ADGRL2: variants seen among roughly 807,000 people sequenced by gnomAD.
ADGRL2 encodes calcium-independent alpha-latrotoxin receptor 2.
Under a neutral mutation model 157.4 loss-of-function variants are expected in ADGRL2, and 44 were observed. That is an observed-to-expected ratio of 0.28 (90% confidence interval 0.22 to 0.36). ADGRL2 has a LOEUF of 0.36. Among genes scored for constraint, ADGRL2 ranks in the 10% least tolerant of loss-of-function variants. The pLI is 1.00. For missense variants in ADGRL2, 1,510 were observed against 1,768.9 expected (o/e 0.85, Z 2.63); for synonymous variants, 585 against 624.7 (o/e 0.94, Z 0.95).
chr1:81,372,269 A>C (rs2076173227), intron 1 of ADGRL2, among the ~76,000 whole-genome samples: 1 of 152,244 alleles, frequency 6.6e-6, no homozygotes, highest in Admixed American at 6.5e-5. Context: ...AAAAAAGTGA[A>C]CAAAAGTCTT....
At chr1:81,390,666 A>T (rs2101118845) in intron 1 of ADGRL2, among the ~76,000 whole-genome samples, 1 of 152,424 alleles carries the variant, frequency 6.6e-6, no homozygotes, top group Admixed American at 6.5e-5. Flanking sequence ...ACAGAAAGGG[A>T]ATTATACTGT....
chr1:81,396,887 T>C (rs1001988089), intron 1 of ADGRL2, among the ~76,000 whole-genome samples: 4 of 152,218 alleles, frequency 2.6e-5, no homozygotes, highest in African/African-American at 4.8e-5. Flanking sequence ...TAGTATTTTG[T>C]TGAGGATTTT....
chr1:81,675,521 T>A (rs371929944), intron 3 of ADGRL2, among the ~76,000 whole-genome samples: 5 of 152,322 alleles, frequency 3.3e-5, no homozygotes, highest in African/African-American at 9.6e-5. Flanking sequence ...TGGGTTTTTG[T>A]TATTGTTTTT....
At chr1:81,406,739 G>A (rs12087730) in intron 1 of ADGRL2, among the ~76,000 whole-genome samples, 73,032 of 151,938 alleles carry the variant, frequency 0.48, 18,306 homozygotes, top group Non-Finnish European at 0.54. Context: ...CGAGAGCCTG[G>A]AAGTCACAGA....
At position 81,313,102 on chromosome 1, in the gene ADGRL2, C is replaced by T. The variant is rs1659865460; in HGVS notation, c.-302+6593C>T. On this transcript the variant is annotated intron_variant, in intron 1 of 24. Transcript: ENST00000370721. ...GACATTTGAAGTACCTCTCTATCCT[C>T]ATTTTGTTTTCTGTTCAAAATCAAA... Among the ~76,000 whole-genome samples, 3 of 152,192 alleles carry T rather than the reference C, an allele frequency of 2.0e-5. No individual in the cohort carries two copies. In the South Asian group the frequency reaches 6.2e-4, roughly 32 times the overall value.
intron 2 of ADGRL2, among the ~76,000 whole-genome samples, chr1:81,868,440 C>G (rs1193034432): frequency 6.6e-6 from 1 of 152,024 alleles, no homozygotes; most frequent in African/African-American, 2.4e-5. Context: ...TCAGTAGGCA[C>G]ACAACTCTAA....
intron 11 of ADGRL2, among the ~76,000 whole-genome samples, chr1:81,963,679 C>A (rs915640279): frequency 3.3e-5 from 5 of 151,460 alleles, no homozygotes; most frequent in African/African-American, 1.2e-4. Flanking sequence ...TATATGAATA[C>A]ATTTTCTAAT....
At chr1:81,914,267 T>G (rs1327038721) in intron 3 of ADGRL2, among the ~76,000 whole-genome samples, 1 of 152,152 alleles carries the variant, frequency 6.6e-6, no homozygotes, top group Admixed American at 6.6e-5. Flanking sequence ...AATATTTGTT[T>G]TCTGATTTTT....
At chr1:81,833,439 C>CTGG (rs2092083577) in intron 1 of ADGRL2, among the ~76,000 whole-genome samples, 1 of 152,170 alleles carries the variant, frequency 6.6e-6, no homozygotes, top group Admixed American at 6.5e-5. Context: ...GGCTTTGCTC[C>CTGG]TGGTGGAATA....
chr1:81,688,979 G>A (rs752076012), intron 3 of ADGRL2, among the ~76,000 whole-genome samples: 5 of 152,128 alleles, frequency 3.3e-5, no homozygotes, highest in Admixed American at 6.5e-5. Flanking sequence ...CCAGCTCCAC[G>A]CTGGTACTGG....
chr1:81,332,105 T>C (rs1166953704), intron 1 of ADGRL2, among the ~76,000 whole-genome samples: 2 of 152,120 alleles, frequency 1.3e-5, no homozygotes, highest in Admixed American at 6.5e-5. Context: ...GCTTATGCTA[T>C]AGATGTCATG....
rs1018849373 is a variant in ADGRL2, at chr1:81,658,253, G to A, written c.-143+77273G>A. ...TGGGATTATAGGCACGTGCCACCGC[G>A]CTCAGCTAATTTTGTATTTTTAGTA... On this transcript the variant is annotated intron_variant, in intron 3 of 24. Transcript: ENST00000370721. Among the ~76,000 whole-genome samples the A allele has an allele frequency of 4.6e-5, 7 of 152,068 alleles. No individual in the cohort carries two copies. In the South Asian group the frequency reaches 6.2e-4, roughly 14 times the overall value.
intron 2 of ADGRL2, among the ~76,000 whole-genome samples, chr1:81,535,445 C>T (rs978202166): frequency 4.0e-5 from 6 of 151,828 alleles, no homozygotes; most frequent in East Asian, 1.9e-4. Context: ...GTGAGTGTGC[C>T]GACATTCCTT....
At chr1:81,472,301 A>C (rs1010596026) in intron 2 of ADGRL2, among the ~76,000 whole-genome samples, 11 of 152,200 alleles carry the variant, frequency 7.2e-5, no homozygotes, top group Non-Finnish European at 2.9e-5. Flanking sequence ...AAAGAATAAA[A>C]GAACTTGGAA....
chr1:81,448,976 A>G (rs571636952), intron 2 of ADGRL2, among the ~76,000 whole-genome samples: 1 of 152,334 alleles, frequency 6.6e-6, no homozygotes, highest in African/African-American at 2.4e-5. Context: ...ATTAACATAT[A>G]CAAAAATAGA....
rs183237089 is a variant in ADGRL2 at position 81,987,872 on chromosome 1, C to A, written c.3641C>A (p.Thr1214Asn). The A allele has an allele frequency of 6.8e-4, 228 of 336,018 alleles. No homozygotes were observed. The highest frequency in any genetic ancestry group is 1.3e-3 in the South Asian group (45 of 35,770). The allele number at this position is 336,018 out of a possible 1,614,324, so 20.8% of individuals were successfully genotyped here. Reference protein sequence around the residue: ...PSAPVFNSPATYRETRHSLNN... With the variant: ...PSAPVFNSPANYRETRHSLNN... ...CTTTCCTTATGCTTTCCTCTAGCAA[C>A]CTACAGAGAGACAAGTATGGGAGTA... Residue 1214 changes from threonine (T) to asparagine (N), a missense_variant, in exon 23 of 24, where the codon ACC becomes AAC. By Grantham distance (65) the Thr-to-Asn change is moderately conservative. Coordinates refer to ENST00000686636, the MANE Select transcript of ADGRL2 (RefSeq NM_001366006.2).
intron 3 of ADGRL2, among the ~76,000 whole-genome samples, chr1:81,608,604 G>A (rs533878951): frequency 6.6e-6 from 1 of 152,232 alleles, no homozygotes; most frequent in East Asian, 1.9e-4. Context: ...AAGAGAAAGA[G>A]GTTTAAGTAT....
At chr1:81,426,476 C>A in intron 1 of ADGRL2, 1 of 390,954 alleles carries the variant, frequency 2.6e-6, no homozygotes, top group South Asian at 1.9e-5. Context: ...AAACTGATGC[C>A]CAGTGGCCCC....
chr1:81,377,255 A>G (rs1406059857), intron 1 of ADGRL2, among the ~76,000 whole-genome samples: 1 of 152,222 alleles, frequency 6.6e-6, no homozygotes, highest in African/African-American at 2.4e-5. Flanking sequence ...ATCATCAGCA[A>G]GTATATGAAA....
Sources: allele counts gnomAD v4.1 joint callset (sites outside exome capture counted in the v4.1 genomes callset), GRCh38; gene constraint gnomAD v4.1.1; transcripts MANE v1.5; gene names NCBI Gene and HGNC (gene_info 2026-07-23, HGNC 2026-07-21).